Variants in FBXO4 observed in about 807,000 individuals in gnomAD.
FBXO4 encodes the protein F-box protein 4, also known as F-box only protein 4.
FBXO4 carries 36 observed loss-of-function variants against 43.7 expected under a neutral mutation model. The observed-to-expected ratio is 0.82, with a 90% confidence interval of 0.63 to 1.09. The LOEUF is 1.09. Among genes scored for constraint, FBXO4 ranks in the 50% least tolerant of loss-of-function variants. The pLI, the probability that FBXO4 is intolerant of heterozygous loss-of-function variation, is 0.00. For synonymous variants in FBXO4, 180 were observed against 165.6 expected, an observed-to-expected ratio of 1.09 and a Z score of -0.67; for missense variants, 435 against 474.1, an observed-to-expected ratio of 0.92 and a Z score of 0.77.
the FBXO4 span, among the ~76,000 whole-genome samples, chr5:41,957,668 A>G: frequency 6.6e-6 from 1 of 151,682 alleles, no homozygotes. Flanking sequence ...ATCCTTTAAT[A>G]TATTTATCAT....
the FBXO4 span, among the ~76,000 whole-genome samples, chr5:42,024,411 T>A: frequency 2.0e-5 from 3 of 152,068 alleles, no homozygotes; most frequent in African/African-American, 4.8e-5. Flanking sequence ...TTTTATATGT[T>A]CTTTTTAATT....
At chr5:41,934,348 T>C in intron 5 of FBXO4, 40 bp downstream of exon 5, 1 of 1,612,660 alleles carries the variant, frequency 6.2e-7, no homozygotes. Context: ...CATTGTTCTT[T>C]TCAAAGCAAA....
At chr5:41,975,758 TA>T in the FBXO4 span, among the ~76,000 whole-genome samples, 3 of 152,230 alleles carry the variant, frequency 2.0e-5, no homozygotes, top group Admixed American at 6.5e-5. Flanking sequence ...TCACATTTTA[TA>T]AACTTTTTTG....
chr5:41,953,849 T>A, the FBXO4 span, among the ~76,000 whole-genome samples: 1 of 152,044 alleles, frequency 6.6e-6, no homozygotes, highest in East Asian at 1.9e-4. Context: ...GGGTTGTTTG[T>A]TTTTTTCTTG....
At chr5:41,996,184 C>T in the FBXO4 span, among the ~76,000 whole-genome samples, 1 of 152,154 alleles carries the variant, frequency 6.6e-6, no homozygotes, top group African/African-American at 2.4e-5. Flanking sequence ...TCAGGACCTG[C>T]TCGAGCCTGA....
the FBXO4 span, among the ~76,000 whole-genome samples, chr5:42,002,798 C>T: frequency 1.3e-5 from 2 of 152,116 alleles, no homozygotes; most frequent in East Asian, 3.8e-4. Context: ...TTCAACAAAT[C>T]CTTGAAAAAC....
At chr5:41,987,989 T>G in the FBXO4 span, among the ~76,000 whole-genome samples, 29 of 152,318 alleles carry the variant, frequency 1.9e-4, 1 homozygote, top group African/African-American at 7.0e-4. Context: ...GCTTTGATGC[T>G]TACTCTGGCT....
chr5:41,935,988 C>A (rs1287869001), intron 5 of FBXO4, among the ~76,000 whole-genome samples: 1 of 152,208 alleles, frequency 6.6e-6, no homozygotes, highest in African/African-American at 2.4e-5. Context: ...GCAATAAAAG[C>A]CAAATCCAGC....
the FBXO4 span, among the ~76,000 whole-genome samples, chr5:42,030,225 A>C: frequency 6.6e-6 from 1 of 152,298 alleles, no homozygotes; most frequent in African/African-American, 2.4e-5. Flanking sequence ...GGCTACAGTA[A>C]CCAAAACAGC....
At chr5:41,971,008 T>C in the FBXO4 span, among the ~76,000 whole-genome samples, 1 of 151,992 alleles carries the variant, frequency 6.6e-6, no homozygotes, top group African/African-American at 2.4e-5. Context: ...AAATGCAAGA[T>C]TGGATCCTAC....
chr5:41,984,486 G>A, the FBXO4 span, among the ~76,000 whole-genome samples: 7 of 152,086 alleles, frequency 4.6e-5, no homozygotes, highest in Non-Finnish European at 7.4e-5. Context: ...GGACATAAGG[G>A]CTCACTCTCT....
chr5:41,925,409 T>C lies in FBXO4; in HGVS notation c.100T>C (p.Phe34Leu). The C allele has an allele frequency of 1.4e-6, 2 of 1,384,580 alleles. No individual in the cohort carries two copies. The highest frequency in any genetic ancestry group is 1.9e-6 in the Non-Finnish European group (2 of 1,063,690). 85.8% of individuals were successfully genotyped at this position (1,384,580 alleles called of 1,614,324 possible). A position where few individuals can be genotyped will look rare whatever the true frequency, so the allele number is the denominator to read the frequency against. Residue 34 changes from phenylalanine to leucine, a missense_variant, in exon 1 of 7, where the codon TTC becomes CTC. Phe to Leu is a conservative substitution (Grantham distance 22, BLOSUM62 0). Coordinates refer to ENST00000281623, the MANE Select transcript of FBXO4 (RefSeq NM_012176.3). ...GGCCATCCTCAGCGGCTGGAAGACC[T>C]TCTGGCAGTCAGTGAGCAAGGAGAG... The part of the protein sequence containing the change: ...EAAILSGWKT[F>L]WQSVSKERVA...
chr5:41,996,643 A>G, the FBXO4 span, among the ~76,000 whole-genome samples: 1 of 152,204 alleles, frequency 6.6e-6, no homozygotes, highest in African/African-American at 2.4e-5. Context: ...GATAAATGCG[A>G]CAGAATAACA....
the FBXO4 span, among the ~76,000 whole-genome samples, chr5:41,975,993 G>C: frequency 6.6e-6 from 1 of 152,086 alleles, no homozygotes; most frequent in African/African-American, 2.4e-5. Context: ...CACATGGTGA[G>C]AGTGGGAGCA....
At chr5:42,010,468 A>G in the FBXO4 span, among the ~76,000 whole-genome samples, 2 of 151,522 alleles carry the variant, frequency 1.3e-5, no homozygotes, top group Non-Finnish European at 2.9e-5. Context: ...AGATTGCACC[A>G]CTGGACTCCA....
At chr5:41,961,627 A>C in the FBXO4 span, among the ~76,000 whole-genome samples, 1 of 152,218 alleles carries the variant, frequency 6.6e-6, no homozygotes, top group Non-Finnish European at 1.5e-5. Context: ...GGTAGAGACA[A>C]GATCCCTATG....
the FBXO4 span, among the ~76,000 whole-genome samples, chr5:41,985,628 A>G: frequency 5.2e-3 from 784 of 152,228 alleles, 8 homozygotes; most frequent in African/African-American, 0.018. Context: ...TGCTTTTAAG[A>G]AAGTCAGCCT....
the FBXO4 span, among the ~76,000 whole-genome samples, chr5:41,962,838 C>G: frequency 6.6e-6 from 1 of 152,188 alleles, no homozygotes; most frequent in Non-Finnish European, 1.5e-5. Flanking sequence ...CCATCCCACA[C>G]TTGGTCAATA....
At chr5:41,940,592 C>T (rs534699989) in intron 6 of FBXO4, among the ~76,000 whole-genome samples, 1 of 152,286 alleles carries the variant, frequency 6.6e-6, no homozygotes, top group African/African-American at 2.4e-5. Context: ...GGCATTCTTT[C>T]TTCAAACAAA....
Sources: allele counts gnomAD v4.1 joint callset (sites outside exome capture counted in the v4.1 genomes callset), GRCh38; gene constraint gnomAD v4.1.1; transcripts MANE v1.5; gene names NCBI Gene and HGNC (gene_info 2026-07-23, HGNC 2026-07-21).